Variants in IKZF2 observed in about 807,000 individuals in gnomAD.
IKZF2 encodes zinc finger protein Helios.
In IKZF2, 15 loss-of-function variants were observed where a neutral mutation model predicts 49.2. The ratio of observed to expected loss-of-function variants is 0.30; its 90% CI spans 0.20 to 0.47. IKZF2 has a LOEUF of 0.47. Among genes scored for constraint, IKZF2 ranks in the 20% least tolerant of loss-of-function variants. The probability of loss-of-function intolerance (pLI) is 1.00; values close to 1 mark genes in which losing one functional copy is unlikely to be tolerated. For synonymous variants in IKZF2, 227 were observed against 221.4 expected, an observed-to-expected ratio of 1.03 and a Z score of -0.23; for missense variants, 567 against 664.6, an observed-to-expected ratio of 0.85 and a Z score of 1.61.
chr2:213,146,780 A>G, intron 4 of IKZF2, among the ~76,000 whole-genome samples: 1 of 149,888 alleles, frequency 6.7e-6, no homozygotes, highest in Non-Finnish European at 1.5e-5. Context: ...AAGGAAAGAG[A>G]ATGCCTTTCC....
intron 4 of IKZF2, among the ~76,000 whole-genome samples, chr2:213,061,977 C>T (rs1161076277): frequency 6.6e-6 from 1 of 151,494 alleles, no homozygotes; most frequent in Non-Finnish European, 1.5e-5. Flanking sequence ...CAAAGTCACC[C>T]ATTTGTGCAA....
chr2:213,067,007 C>A (rs768943770), intron 4 of IKZF2, among the ~76,000 whole-genome samples: 5 of 152,030 alleles, frequency 3.3e-5, no homozygotes, highest in Middle Eastern at 3.2e-3. Flanking sequence ...TTAAAGCAAG[C>A]AACATAGCCC....
intron 4 of IKZF2, among the ~76,000 whole-genome samples, chr2:213,064,608 A>C (rs1230739307): frequency 6.6e-6 from 1 of 152,052 alleles, no homozygotes; most frequent in African/African-American, 2.4e-5. Context: ...AGAATTATAC[A>C]ATGCAGAGAA....
Position 213,124,252 on chromosome 2 carries a change from GCACACACACACACACA to G in IKZF2, c.139+23440_139+23455del, listed in dbSNP as rs66958263. ...CGCACACATGCGCTCGCGCGCGCGC[GCACACACACACACACA>G]CACACACACACACACACACACACAC... On this transcript the variant is annotated intron_variant, in intron 4 of 8. Coordinates refer to ENST00000434687, the MANE Select transcript of IKZF2 (RefSeq NM_001387220.1). Among the ~76,000 whole-genome samples, 260 of 136,296 alleles carry G rather than the reference GCACACACACACACACA, an allele frequency of 1.9e-3. 7 individuals are homozygous for G. The highest frequency in any genetic ancestry group is 6.8e-3 in the South Asian group (27 of 3,990). The allele number at this position is 136,296 out of a possible 152,430, so 89.4% of individuals were successfully genotyped here.
chr2:213,120,275 G>C (rs1214200460), intron 4 of IKZF2, among the ~76,000 whole-genome samples: 1 of 152,184 alleles, frequency 6.6e-6, no homozygotes, highest in Admixed American at 6.5e-5. Flanking sequence ...ATAGATACAT[G>C]TACATACTCA....
chr2:213,146,760 G>GGA (rs1553604941), intron 4 of IKZF2, among the ~76,000 whole-genome samples: 2 of 2,654 alleles, frequency 7.5e-4, no homozygotes, highest in South Asian at 9.6e-3. Context: ...TTAAATCTTC[G>GGA]GGGGGGGGGA....
At chr2:213,150,868 T>A (rs2061261114) in intron 1 of IKZF2, among the ~76,000 whole-genome samples, 1 of 151,598 alleles carries the variant, frequency 6.6e-6, no homozygotes, top group Non-Finnish European at 1.5e-5. Flanking sequence ...GTGATTTAAC[T>A]GCTGCCTGTT....
chr2:213,036,015 A>C (rs1375647745), intron 6 of IKZF2, among the ~76,000 whole-genome samples: 1 of 152,096 alleles, frequency 6.6e-6, no homozygotes. Flanking sequence ...TTTTTTTGCT[A>C]TATCAGATCA....
chr2:213,096,465 T>A (rs1025237965), intron 4 of IKZF2, among the ~76,000 whole-genome samples: 14 of 151,994 alleles, frequency 9.2e-5, no homozygotes, highest in Admixed American at 7.9e-4. Context: ...GATAAACAGA[T>A]AATGTATGGA....
chr2:213,020,927 A>G (rs989558867), intron 7 of IKZF2, among the ~76,000 whole-genome samples: 1 of 152,194 alleles, frequency 6.6e-6, no homozygotes, highest in Non-Finnish European at 1.5e-5. Context: ...AAAGATATAC[A>G]AGTGGCCAGG....
intron 4 of IKZF2, among the ~76,000 whole-genome samples, chr2:213,061,557 AAC>A (rs1164440124): frequency 1.1e-4 from 16 of 151,526 alleles, no homozygotes; most frequent in African/African-American, 3.6e-4. Context: ...TAAAATGCAC[AAC>A]AGTCATTACA....
At chr2:213,035,575 T>C (rs1438041246) in intron 6 of IKZF2, among the ~76,000 whole-genome samples, 2 of 152,214 alleles carry the variant, frequency 1.3e-5, no homozygotes, top group Non-Finnish European at 2.9e-5. Flanking sequence ...ATCTGAAAGA[T>C]AATAAGGCAA....
chr2:213,059,198 T>C (rs1419037836), intron 4 of IKZF2, among the ~76,000 whole-genome samples: 1 of 151,804 alleles, frequency 6.6e-6, no homozygotes, highest in Non-Finnish European at 1.5e-5. Context: ...TGTCTGCCCA[T>C]TTTTCTATCA....
chr2:213,132,179 T>C (rs1462408713), intron 4 of IKZF2, among the ~76,000 whole-genome samples: 1 of 152,134 alleles, frequency 6.6e-6, no homozygotes, highest in Admixed American at 6.5e-5. Context: ...AAAAGTCATA[T>C]TCTGTCTGCT....
chr2:213,081,761 G>A (rs1313463984), intron 4 of IKZF2, among the ~76,000 whole-genome samples: 1 of 152,174 alleles, frequency 6.6e-6, no homozygotes, highest in African/African-American at 2.4e-5. Flanking sequence ...GACCCTGAGA[G>A]CAAACCATAA....
At chr2:213,049,475 C>T (rs895702992) in intron 6 of IKZF2, among the ~76,000 whole-genome samples, 2 of 151,926 alleles carry the variant, frequency 1.3e-5, no homozygotes, top group Non-Finnish European at 2.9e-5. Flanking sequence ...TTTTCTTATT[C>T]TAATATATTG....
chr2:213,075,200 A>G (rs1295751717), intron 4 of IKZF2, among the ~76,000 whole-genome samples: 1 of 152,160 alleles, frequency 6.6e-6, no homozygotes, highest in African/African-American at 2.4e-5. Context: ...AACATTAAAT[A>G]TGAAATAGTA....
intron 4 of IKZF2, among the ~76,000 whole-genome samples, chr2:213,079,766 C>T (rs1703726008): frequency 6.6e-6 from 1 of 152,138 alleles, no homozygotes; most frequent in South Asian, 2.1e-4. Flanking sequence ...CTAGCAGCAA[C>T]TTCCATTTTT....
At chr2:213,132,603 T>G (rs1397994444) in intron 4 of IKZF2, among the ~76,000 whole-genome samples, 1 of 152,144 alleles carries the variant, frequency 6.6e-6, no homozygotes, top group African/African-American at 2.4e-5. Flanking sequence ...AGTATGGAAA[T>G]TAATAAAATT....
Sources: gnomAD v4.1 joint callset for allele counts (sites outside exome capture counted in the v4.1 genomes callset) on GRCh38, gnomAD v4.1.1 for gene constraint, MANE v1.5 for transcripts, NCBI Gene and HGNC (gene_info 2026-07-23, HGNC 2026-07-21) for gene names.